KLHL1: variants seen among roughly 807,000 people sequenced by gnomAD.
The protein encoded by KLHL1 is kelch-like protein 1.
In KLHL1, 47 loss-of-function variants were observed where a neutral mutation model predicts 77.7. The observed-to-expected ratio is 0.60, with a 90% CI of 0.48 to 0.77. The LOEUF is 0.77. Among genes scored for constraint, KLHL1 ranks in the 30% least tolerant of loss-of-function variants. KLHL1 has a pLI of 0.00. For missense variants in KLHL1, 925 were observed against 910.8 expected, an observed-to-expected ratio of 1.02 and a Z score of -0.20; for synonymous variants, 360 against 325.2, an observed-to-expected ratio of 1.11 and a Z score of -1.15.
intron 2 of KLHL1, among the ~76,000 whole-genome samples, chr13:69,964,771 C>G (rs9542135): frequency 6.6e-6 from 1 of 151,948 alleles, no homozygotes; most frequent in Non-Finnish European, 1.5e-5. Context: ...TCATTGTTAT[C>G]TATCTTCTCC....
chr13:69,948,128 G>T (rs1459069912), intron 3 of KLHL1, among the ~76,000 whole-genome samples: 1 of 151,966 alleles, frequency 6.6e-6, no homozygotes, highest in Non-Finnish European at 1.5e-5. Flanking sequence ...ATCTCTCTTA[G>T]CAAGTCCAGA....
chr13:69,936,515 G>A (rs887084380), intron 4 of KLHL1, among the ~76,000 whole-genome samples: 2 of 151,280 alleles, frequency 1.3e-5, no homozygotes, highest in East Asian at 3.9e-4. Flanking sequence ...CCCGAACCTG[G>A]GAGGCGGAGG....
rs56044802 is a variant in KLHL1 at position 69,836,854 on chromosome 13, C to CA, written c.1414+2121dup. On this transcript the variant is annotated intron_variant, in intron 6 of 10. Transcript: ENST00000377844. ...TGACCAAACAATGCTCAAGAAACTG[C>CA]AAAAAAAATGCAATAATTAGAAGAG... Among the ~76,000 whole-genome samples, 961 of 149,910 alleles carry CA rather than the reference C, an allele frequency of 6.4e-3. 11 individuals are homozygous for CA. Among genetic ancestry groups the CA allele is most frequent in the African/African-American group, 0.019 (789 of 40,916 alleles).
intron 3 of KLHL1, among the ~76,000 whole-genome samples, chr13:69,945,228 C>T (rs1204830531): frequency 6.6e-6 from 1 of 151,766 alleles, no homozygotes. Flanking sequence ...CTGTCTTGGC[C>T]TCCCAAAGTG....
intron 7 of KLHL1, among the ~76,000 whole-genome samples, chr13:69,751,057 C>A (rs1874455362): frequency 1.3e-5 from 2 of 151,350 alleles, no homozygotes; most frequent in Non-Finnish European, 1.5e-5. Flanking sequence ...TGTCCCCAAC[C>A]AATAATGTGC....
At chr13:69,836,744 A>G (rs992627663) in intron 6 of KLHL1, among the ~76,000 whole-genome samples, 1 of 152,030 alleles carries the variant, frequency 6.6e-6, no homozygotes, top group Non-Finnish European at 1.5e-5. Flanking sequence ...TACCTACTAG[A>G]TATTTACAGC....
chr13:69,913,093 C>A (rs1882293220), intron 4 of KLHL1, among the ~76,000 whole-genome samples: 1 of 152,148 alleles, frequency 6.6e-6, no homozygotes, highest in Non-Finnish European at 1.5e-5. Context: ...GCTTCCCCAC[C>A]CAGCTATGCC....
intron 1 of KLHL1, among the ~76,000 whole-genome samples, chr13:69,996,925 T>A: frequency 7.4e-6 from 1 of 135,914 alleles, no homozygotes; most frequent in East Asian, 2.2e-4. Flanking sequence ...TTTTTTTTTT[T>A]TTTTTTTTTT....
intron 1 of KLHL1, among the ~76,000 whole-genome samples, chr13:70,058,209 A>G (rs1424295346): frequency 6.6e-6 from 1 of 152,216 alleles, no homozygotes; most frequent in Non-Finnish European, 1.5e-5. Flanking sequence ...CACCACTGTT[A>G]TTCAACATCG....
intron 8 of KLHL1, among the ~76,000 whole-genome samples, chr13:69,723,228 T>C (rs888309692): frequency 5.9e-5 from 9 of 152,064 alleles, no homozygotes; most frequent in South Asian, 4.2e-4. Flanking sequence ...AATTTTGCAG[T>C]TAGGAGAAAT....
At chr13:69,848,639 A>C (rs1236134052) in intron 5 of KLHL1, among the ~76,000 whole-genome samples, 1 of 151,596 alleles carries the variant, frequency 6.6e-6, no homozygotes, top group Non-Finnish European at 1.5e-5. Context: ...CTTCAAAATG[A>C]AAACACAAAT....
chr13:69,931,643 C>T (rs1471791042), intron 4 of KLHL1, among the ~76,000 whole-genome samples: 1 of 151,670 alleles, frequency 6.6e-6, no homozygotes, highest in Non-Finnish European at 1.5e-5. Context: ...TTTGTTGGCT[C>T]ACTAGGTTTT....
At chr13:69,718,849 A>G (rs951742202) in intron 9 of KLHL1, among the ~76,000 whole-genome samples, 2 of 152,114 alleles carry the variant, frequency 1.3e-5, no homozygotes. Context: ...AGAATTATTA[A>G]AAATATAGCT....
chr13:70,089,079 T>G (rs1046906480), intron 1 of KLHL1, among the ~76,000 whole-genome samples: 8 of 152,172 alleles, frequency 5.3e-5, no homozygotes, highest in African/African-American at 1.9e-4. Flanking sequence ...TAGAGACACT[T>G]GCCTAGGAGG....
At chr13:69,985,700 C>T (rs9529663) in intron 1 of KLHL1, among the ~76,000 whole-genome samples, 25,238 of 149,158 alleles carry the variant, frequency 0.17, 2,271 homozygotes, top group Non-Finnish European at 0.19. Flanking sequence ...TATTACAGCA[C>T]TATTAACAAT....
At chr13:69,917,963 T>C (rs1882502706) in intron 4 of KLHL1, among the ~76,000 whole-genome samples, 1 of 152,148 alleles carries the variant, frequency 6.6e-6, no homozygotes. Context: ...TATTCATACA[T>C]GTACTCCACA....
intron 5 of KLHL1, among the ~76,000 whole-genome samples, chr13:69,842,061 T>G (rs932987124): frequency 6.6e-6 from 1 of 151,828 alleles, no homozygotes; most frequent in Non-Finnish European, 1.5e-5. Context: ...AATACACAAA[T>G]GTAAGTTGCA....
chr13:70,082,311 T>TCA (rs4053611), intron 1 of KLHL1, among the ~76,000 whole-genome samples: 2,503 of 110,976 alleles, frequency 0.023, 56 homozygotes, highest in East Asian at 0.028. Flanking sequence ...CTTGGACCTG[T>TCA]CACACACACA....
chr13:69,858,278 G>T (rs983825103), intron 5 of KLHL1, among the ~76,000 whole-genome samples: 2 of 152,036 alleles, frequency 1.3e-5, no homozygotes, highest in Admixed American at 6.6e-5. Flanking sequence ...GAAAGACTGG[G>T]GGTTGGGTGA....
Sources: gnomAD v4.1 joint callset for allele counts (sites outside exome capture counted in the v4.1 genomes callset) on GRCh38, gnomAD v4.1.1 for gene constraint, MANE v1.5 for transcripts, NCBI Gene and HGNC (gene_info 2026-07-23, HGNC 2026-07-21) for gene names.